The following PATJ variants were observed in gnomAD, a reference collection of about 807,000 sequenced individuals.
The protein encoded by PATJ is inaD-like protein.
In PATJ, 190 loss-of-function variants were observed where a neutral mutation model predicts 224.9. The observed-to-expected ratio is 0.84, with a 90% CI of 0.75 to 0.95. The LOEUF is 0.95. Ranked by LOEUF, PATJ falls within the 40% of genes least tolerant of loss-of-function variation. The pLI, the probability that PATJ is intolerant of heterozygous loss-of-function variation, is 0.00. For missense variants in PATJ, 2,121 were observed against 2,270.3 expected (o/e 0.93, Z 1.34); for synonymous variants, 769 against 820.3 (o/e 0.94, Z 1.07).
At chr1:62,017,276 T>G (rs1244638453) in intron 28 of PATJ, among the ~76,000 whole-genome samples, 1 of 152,024 alleles carries the variant, frequency 6.6e-6, no homozygotes, top group Non-Finnish European at 1.5e-5. Flanking sequence ...TAGCCAGGCA[T>G]GGTGGTGCAC....
chr1:61,902,048 C>T (rs757931033), intron 24 of PATJ, among the ~76,000 whole-genome samples: 2 of 151,990 alleles, frequency 1.3e-5, no homozygotes, highest in African/African-American at 2.4e-5. Context: ...TATGGTGAAA[C>T]CCCATCTACT....
At chr1:61,849,218 C>T (rs1662435804) in intron 17 of PATJ, among the ~76,000 whole-genome samples, 2 of 152,126 alleles carry the variant, frequency 1.3e-5, no homozygotes, top group Admixed American at 1.3e-4. Flanking sequence ...TGTGAAGGAC[C>T]TCTGTAATAC....
chr1:61,927,682 C>A, intron 26 of PATJ, 48 bp from the exon 27 acceptor site: 1 of 1,133,172 alleles, frequency 8.8e-7, no homozygotes, highest in Non-Finnish European at 1.3e-6. Flanking sequence ...GAAGAAAGAG[C>A]ATTGTACAAG....
At chr1:61,898,710 G>A (rs892824953) in intron 22 of PATJ, among the ~76,000 whole-genome samples, 2 of 152,130 alleles carry the variant, frequency 1.3e-5, no homozygotes, top group Non-Finnish European at 2.9e-5. Flanking sequence ...GATAATACAC[G>A]GCACTGTCTA....
Position 61,782,168 on chromosome 1 carries a change from A to C in PATJ, c.850-5586A>C, listed in dbSNP as rs576241262. On this transcript the variant is annotated intron_variant, in intron 7 of 43. Transcript: ENST00000642238. The stretch of plus-strand genomic sequence containing the variant: ...AATCTAAGCTCCCAGGTGTTAGCCA[A>C]GGGCTAACCTTGTGAGAAGGCCTTT... Among the ~76,000 whole-genome samples, 24 of 152,376 alleles carry C rather than the reference A, an allele frequency of 1.6e-4. 1 individual carries two copies. In the South Asian group the frequency reaches 1.9e-3, roughly 12 times the overall value.
At position 61,901,341 on chromosome 1, in the gene PATJ, C is replaced by G. The variant is rs1393221646; in HGVS notation, c.3263C>G (p.Thr1088Ser). 3 of 1,581,264 alleles carry G rather than the reference C, an allele frequency of 1.9e-6. No homozygotes were observed. The highest frequency in any genetic ancestry group is 1.7e-6 in the Non-Finnish European group (2 of 1,169,150). The change falls in exon 24 of 44, where the codon ACT (threonine) becomes AGT (serine). Residue 1088 changes from threonine to serine, a missense_variant. Coordinates refer to ENST00000642238, the MANE Select transcript of PATJ (RefSeq NM_001350145.3). Reference protein sequence around the residue: ...SLGISIVGGQTVIKRLKNGEE... With the variant: ...SLGISIVGGQSVIKRLKNGEE... ...GGGATCAGTATTGTTGGTGGACAAA[C>G]TGTTATAAAACGTCTAAAGAATGGA...
At chr1:62,124,305 A>G (rs1322378781) in intron 39 of PATJ, among the ~76,000 whole-genome samples, 2 of 151,770 alleles carry the variant, frequency 1.3e-5, no homozygotes, top group African/African-American at 4.8e-5. Flanking sequence ...CTGGTCTCGA[A>G]CTCCTGCCCT....
chr1:61,819,524 T>C (rs1186817374), intron 14 of PATJ, among the ~76,000 whole-genome samples: 1 of 152,150 alleles, frequency 6.6e-6, no homozygotes, highest in African/African-American at 2.4e-5. Flanking sequence ...CCCGTACATA[T>C]ATGCTGAATA....
chr1:62,163,135 C>T lies in PATJ; in HGVS notation c.*2081C>T, dbSNP rs527837441. The T allele has an allele frequency of 6.2e-6, 1 of 161,404 alleles. No individual in the cohort carries two copies. The highest frequency in any genetic ancestry group is 6.5e-5 in the Admixed American group (1 of 15,358). 10.0% of individuals were successfully genotyped at this position (161,404 alleles called of 1,614,324 possible). On this transcript the variant is annotated 3_prime_UTR_variant, in exon 44 of 44. Coordinates refer to ENST00000642238, the MANE Select transcript of PATJ (RefSeq NM_001350145.3). Reference sequence around the variant, plus strand: ...AATTATCTTTGAGTAGATGTAATCACAAAGTGCATTAACTCTTGTTGGAAT... The same window carrying T: ...AATTATCTTTGAGTAGATGTAATCATAAAGTGCATTAACTCTTGTTGGAAT...
chr1:61,804,749 A>G (rs1653184482), intron 12 of PATJ, among the ~76,000 whole-genome samples: 1 of 152,224 alleles, frequency 6.6e-6, no homozygotes, highest in African/African-American at 2.4e-5. Flanking sequence ...GAGGACAGGC[A>G]AGACACTTAA....
intron 19 of PATJ, among the ~76,000 whole-genome samples, chr1:61,863,702 TTTG>T (rs1238658921): frequency 3.3e-5 from 5 of 152,204 alleles, no homozygotes; most frequent in African/African-American, 1.2e-4. Flanking sequence ...AAAAATAAGA[TTTG>T]TTATTTTTTA....
rs1669417457 is a variant in PATJ at position 62,157,964 on chromosome 1, T to C, written c.5503-2944T>C. Among the ~76,000 whole-genome samples the C allele has an allele frequency of 1.3e-5, 2 of 149,128 alleles. 1 individual carries two copies. Among genetic ancestry groups the C allele is most frequent in the Non-Finnish European group, 3.0e-5 (2 of 67,078 alleles). On this transcript the variant is annotated intron_variant, in intron 43 of 43. Transcript: ENST00000642238. The stretch of plus-strand genomic sequence containing the variant: ...GCAACTCTAAAAATTTCAGGAGCAG[T>C]TTTTCAGAGCCTATGAAATCTGAGC...
intron 26 of PATJ, among the ~76,000 whole-genome samples, chr1:61,919,522 C>A (rs1023158210): frequency 6.6e-6 from 1 of 151,908 alleles, no homozygotes; most frequent in Non-Finnish European, 1.5e-5. Flanking sequence ...GCAGGCTGAT[C>A]TCAAACTTCT....
chr1:62,152,897 G>A (rs1281276813), intron 42 of PATJ, among the ~76,000 whole-genome samples: 1 of 152,020 alleles, frequency 6.6e-6, no homozygotes, highest in Non-Finnish European at 1.5e-5. Flanking sequence ...CCAGCACTTT[G>A]GGAGGTAGAG....
chr1:62,045,513 C>T (rs1308302339), intron 30 of PATJ, among the ~76,000 whole-genome samples: 1 of 152,174 alleles, frequency 6.6e-6, no homozygotes, highest in African/African-American at 2.4e-5. Flanking sequence ...AGGGGTTGAT[C>T]TGCAAACCTT....
At chr1:61,774,251 T>G (rs1646794857) in intron 6 of PATJ, among the ~76,000 whole-genome samples, 1 of 152,010 alleles carries the variant, frequency 6.6e-6, no homozygotes, top group African/African-American at 2.4e-5. Context: ...GATCATGCAC[T>G]GCACTCTAAC....
rs1669859063 is a variant in PATJ at position 62,161,791 on chromosome 1, A to G, written c.*737A>G. On this transcript the variant is annotated 3_prime_UTR_variant, in exon 44 of 44. Coordinates refer to ENST00000642238, the MANE Select transcript of PATJ (RefSeq NM_001350145.3). The stretch of plus-strand genomic sequence containing the variant: ...ATCCAATGGACAGAAACAAATGTTA[A>G]GCAACTTGTCATCTCACTCATGATT... 6.6e-6 allele frequency: 1 copy of G among 152,252 alleles called. No homozygotes were observed. The highest frequency in any genetic ancestry group is 1.5e-5 in the Non-Finnish European group (1 of 68,040). The allele number at this position is 152,252 out of a possible 1,614,324, so 9.4% of individuals were successfully genotyped here.
At chr1:61,856,936 T>G (rs1220259329) in intron 18 of PATJ, among the ~76,000 whole-genome samples, 1 of 152,122 alleles carries the variant, frequency 6.6e-6, no homozygotes, top group Non-Finnish European at 1.5e-5. Flanking sequence ...TAACTTTCAT[T>G]TGGGAATGGT....
chr1:61,996,741 C>CTTTTTT (rs56215259), intron 28 of PATJ, among the ~76,000 whole-genome samples: 11 of 97,736 alleles, frequency 1.1e-4, no homozygotes, highest in East Asian at 5.8e-4. Flanking sequence ...CTTTTCTTTT[C>CTTTTTT]TTTTTTTTTT....
Sources: gnomAD v4.1 joint callset for allele counts (sites outside exome capture counted in the v4.1 genomes callset) on GRCh38, gnomAD v4.1.1 for gene constraint, MANE v1.5 for transcripts, NCBI Gene and HGNC (gene_info 2026-07-23, HGNC 2026-07-21) for gene names.